COX15: variants seen among roughly 807,000 people sequenced by gnomAD.
The protein encoded by COX15 is heme A synthase COX15.
COX15 carries 51 observed loss-of-function variants against 51.9 expected under a neutral mutation model. That is an observed-to-expected ratio of 0.98 (90% CI 0.78 to 1.24). The LOEUF is 1.24. Ranked by LOEUF, COX15 falls within the 50% of genes most tolerant of loss-of-function variation. COX15 has a pLI of 0.00. For synonymous variants in COX15, 188 were observed against 190.5 expected (o/e 0.99, Z 0.11); for missense variants, 420 against 501.1 (o/e 0.84, Z 1.55).
downstream of COX15, chr10:99,709,038 T>C: frequency 1.0e-6 from 1 of 983,538 alleles, no homozygotes; most frequent in Non-Finnish European, 1.2e-6. Flanking sequence ...TTTCACTACA[T>C]CTATTCTTGT....
At chr10:99,708,528 A>G (rs2036295915), downstream of COX15, among the ~76,000 whole-genome samples, 1 of 152,178 alleles carries the variant, frequency 6.6e-6, no homozygotes, top group Non-Finnish European at 1.5e-5. Flanking sequence ...TCTATCAAAC[A>G]AAGAGGCTAG....
At chr10:99,698,400 C>T in the COX15 span, 8 of 799,910 alleles carry the variant, frequency 1.0e-5, no homozygotes, top group South Asian at 1.9e-5. Flanking sequence ...GATGAAATTG[C>T]ACTCCATCCT....
chr10:99,712,626 T>G lies in COX15; in HGVS notation c.*1961A>C. The G allele has an allele frequency of 1.0e-6, 1 of 984,032 alleles. No homozygotes were observed. The highest frequency in any genetic ancestry group is 1.2e-6 in the Non-Finnish European group (1 of 828,676). 61.0% of individuals were successfully genotyped at this position (984,032 alleles called of 1,614,324 possible). ...AAACTTAAGATAAGCTTATTTTCCT[T>G]ATTTCAAAAAGCAAAACAAAAACCC... is the stretch of plus-strand genomic sequence containing the variant. On this transcript the variant is annotated 3_prime_UTR_variant, in exon 9 of 9. Transcript: ENST00000016171.
chr10:99,710,346 T>A (rs1029593893), downstream of COX15: 12 of 985,300 alleles, frequency 1.2e-5, no homozygotes, highest in African/African-American at 1.7e-4. Context: ...ACAATTACCC[T>A]TTAGTTGAAG....
At chr10:99,702,859 C>G in the COX15 span, among the ~76,000 whole-genome samples, 14 of 152,126 alleles carry the variant, frequency 9.2e-5, no homozygotes, top group African/African-American at 3.4e-4. Flanking sequence ...CAGGCATGCT[C>G]GAACAGAAAG....
At chr10:99,698,838 A>C in the COX15 span, 1 of 1,604,470 alleles carries the variant, frequency 6.2e-7, no homozygotes. Flanking sequence ...CCATGGGCCA[A>C]CATTTGCCAA....
the COX15 span, chr10:99,704,477 C>CA: frequency 6.2e-7 from 1 of 1,614,246 alleles, no homozygotes; most frequent in Non-Finnish European, 8.5e-7. Flanking sequence ...AGGTGTCCGA[C>CA]AAGCCCATGG....
At chr10:99,702,433 A>C in the COX15 span, 1 of 1,253,844 alleles carries the variant, frequency 8.0e-7, no homozygotes, top group East Asian at 2.6e-5. Flanking sequence ...ACTTGTGGGA[A>C]TACGGAGTGG....
intron 6 of COX15, 123 bp downstream of exon 6, chr10:99,720,864 A>C: frequency 2.5e-6 from 2 of 785,750 alleles, no homozygotes; most frequent in Non-Finnish European, 2.2e-6. Flanking sequence ...AAGATGGGGG[A>C]ATGAGAGAAA....
At position 99,711,136 on chromosome 10, in the gene COX15, T is replaced by C; in HGVS notation, c.*3451A>G. The stretch of plus-strand genomic sequence containing the variant: ...CCTAAGATAATCATTCACCAGAAGC[T>C]CATAGATATAATACAGTTATATAGC... On this transcript the variant is annotated 3_prime_UTR_variant, in exon 9 of 9. Coordinates refer to ENST00000016171, the MANE Select transcript of COX15 (RefSeq NM_078470.6). 1 of 985,036 alleles carries C rather than the reference T, an allele frequency of 1.0e-6. No homozygotes were observed. The highest frequency in any genetic ancestry group is 1.2e-6 in the Non-Finnish European group (1 of 829,668). 61.0% of individuals were successfully genotyped at this position (985,036 alleles called of 1,614,324 possible). A position where few individuals can be genotyped will look rare whatever the true frequency, so the allele number is the denominator to read the frequency against.
At chr10:99,719,390 C>T (rs2036684724) in intron 6 of COX15, among the ~76,000 whole-genome samples, 2 of 152,050 alleles carry the variant, frequency 1.3e-5, no homozygotes, top group Admixed American at 1.3e-4. Context: ...GACGAGGTTT[C>T]ACCACGTTGA....
In COX15 at chr10:99,724,210, G is replaced by A. The variant is rs544465931; in HGVS notation, c.583-87C>T. The A allele has an allele frequency of 6.1e-6, 9 of 1,465,672 alleles. No homozygotes were observed. In the East Asian group the frequency reaches 1.6e-4, roughly 27 times the overall value. The allele number at this position is 1,465,672 out of a possible 1,614,324, so 90.8% of individuals were successfully genotyped here. A position where few individuals can be genotyped will look rare whatever the true frequency, so the allele number is the denominator to read the frequency against. ...TTTTTTGTTGTTTTTTTGAGACAGA[G>A]TCTCACTCTGTCACCAGGCTGGAGT... On this transcript the variant is annotated intron_variant, in intron 4 of 8. Coordinates refer to ENST00000016171, the MANE Select transcript of COX15 (RefSeq NM_078470.6).
chr10:99,719,551 C>T (rs1166628511), intron 6 of COX15, among the ~76,000 whole-genome samples: 2 of 152,044 alleles, frequency 1.3e-5, no homozygotes, highest in African/African-American at 2.4e-5. Context: ...AGTGCAGCAG[C>T]GCAATCTCCG....
the COX15 span, chr10:99,696,242 C>G: frequency 4.1e-6 from 5 of 1,208,170 alleles, no homozygotes; most frequent in Non-Finnish European, 5.7e-6. Context: ...TTCTGACTAC[C>G]CCTGCCAATG....
intron 8 of COX15, 130 bp from the exon 9 acceptor site, chr10:99,714,848 T>A: frequency 6.7e-7 from 1 of 1,493,542 alleles, no homozygotes; most frequent in South Asian, 1.2e-5. Context: ...CACACATTTT[T>A]AATTTCACAA....
chr10:99,710,179 T>A (rs2036337394), downstream of COX15: 3 of 985,444 alleles, frequency 3.0e-6, no homozygotes, highest in East Asian at 1.1e-4. Context: ...CTTTCCTAAG[T>A]GGCCCCTCCT....
the COX15 span, chr10:99,704,838 G>A: frequency 3.5e-5 from 24 of 684,210 alleles, no homozygotes; most frequent in East Asian, 4.1e-4. Context: ...TTCCTTCTCC[G>A]TACCCAGGTC....
chr10:99,710,705 A>G, downstream of COX15: 3 of 985,430 alleles, frequency 3.0e-6, no homozygotes, highest in Non-Finnish European at 3.6e-6. Flanking sequence ...TCATCCCAGG[A>G]CCACAAGGGT....
chr10:99,714,390 G>A lies in COX15; in HGVS notation c.*197C>T. The A allele has an allele frequency of 7.1e-7, 1 of 1,405,242 alleles. No individual in the cohort carries two copies. The highest frequency in any genetic ancestry group is 9.3e-7 in the Non-Finnish European group (1 of 1,080,882). The allele number at this position is 1,405,242 out of a possible 1,614,324, so 87.0% of individuals were successfully genotyped here. ...TCAACATGAAAAGCAGATTTAAAAGGGAACATTTAGGGTAACCACACTTAA... is the reference window on the plus strand; with the variant it reads ...TCAACATGAAAAGCAGATTTAAAAGAGAACATTTAGGGTAACCACACTTAA... On this transcript the variant is annotated 3_prime_UTR_variant, in exon 9 of 9. Coordinates refer to ENST00000016171, the MANE Select transcript of COX15 (RefSeq NM_078470.6).
Sources: allele counts gnomAD v4.1 joint callset (sites outside exome capture counted in the v4.1 genomes callset), GRCh38; gene constraint gnomAD v4.1.1; transcripts MANE v1.5; gene names NCBI Gene and HGNC (gene_info 2026-07-23, HGNC 2026-07-21).